The following C9orf78 variants were observed in gnomAD, a reference collection of about 807,000 sequenced individuals.
The protein encoded by C9orf78 is chromosome 9 open reading frame 78, also known as splicing factor C9orf78.
Under a neutral mutation model 37.4 loss-of-function variants are expected in C9orf78, and 19 were observed. The observed-to-expected ratio is 0.51, with a 90% CI of 0.35 to 0.74. C9orf78 has a LOEUF of 0.74. C9orf78 is among the 30% of genes least tolerant of loss of function. The pLI is 0.01. For missense variants in C9orf78, 291 were observed against 370.8 expected, an observed-to-expected ratio of 0.78 and a Z score of 1.77; for synonymous variants, 130 against 128.0, an observed-to-expected ratio of 1.02 and a Z score of -0.10.
chr9:129,833,408 C>T (rs1323527260), intron 4 of C9orf78, 39 bp downstream of exon 4: 1 of 1,273,962 alleles, frequency 7.8e-7, no homozygotes, highest in Non-Finnish European at 1.1e-6. Flanking sequence ...CAGGCAGCCG[C>T]TAAAGGTGAA....
chr9:129,831,970 G>A lies in C9orf78; in HGVS notation c.270C>T (p.Ile90=). 1 of 1,498,984 alleles carries A rather than the reference G, an allele frequency of 6.7e-7. No individual in the cohort carries two copies. The highest frequency in any genetic ancestry group is 9.3e-7 in the Non-Finnish European group (1 of 1,075,174). 92.9% of individuals were successfully genotyped at this position (1,498,984 alleles called of 1,614,324 possible). Residue 90 remains isoleucine (I), a synonymous_variant, in exon 5 of 9, where the codon ATC becomes ATT. Transcript: ENST00000372447. ...CCAGGTGCAGGTCCTCCTCCTCACT[G>A]ATCCTGGAGGGAGAGAACAATGAGG... ...KKLKERGKDK[I]SEEEDLHLGT... is the part of the protein sequence containing the mutation.
chr9:129,828,916 T>C, intron 8 of C9orf78: 1 of 486,706 alleles, frequency 2.1e-6, no homozygotes, highest in Non-Finnish European at 3.8e-6. Flanking sequence ...GTAGCTTTTA[T>C]TTGTCCTTAC....
Position 129,833,702 on chromosome 9 carries a change from C to T in C9orf78, c.151G>A (p.Ala51Thr). The T allele has an allele frequency of 1.2e-6, 2 of 1,611,162 alleles. No homozygotes were observed. Among genetic ancestry groups the T allele is most frequent in the Non-Finnish European group, 1.7e-6 (2 of 1,178,198 alleles). Reference sequence around the variant, plus strand: ...TGTACCTTCTCTCCCACCAGCAAGGCCACAGCACTGAGCAAAACCAAAAAA... The same window carrying T: ...TGTACCTTCTCTCCCACCAGCAAGGTCACAGCACTGAGCAAAACCAAAAAA... ...RKRPNGVSAV[A>T]LLVGEKVQEE... Residue 51 changes from alanine to threonine, a missense_variant, in exon 3 of 9, where the codon GCC becomes ACC. Ala to Thr is a moderately conservative substitution (Grantham distance 58). Around this residue, in one of 3 missense-constraint regions of C9orf78, gnomAD observed 158 missense variants for 174.8 expected, o/e 0.90. Coordinates refer to ENST00000372447, the MANE Select transcript of C9orf78 (RefSeq NM_016520.3).
chr9:129,834,426 T>G (rs2031622269), intron 2 of C9orf78: 1 of 427,306 alleles, frequency 2.3e-6, no homozygotes, highest in Non-Finnish European at 4.1e-6. Flanking sequence ...TTATACAAAC[T>G]CTTAACGATC....
chr9:129,833,736 G>T, intron 2 of C9orf78, 27 bp from the exon 3 acceptor site: 1 of 1,567,378 alleles, frequency 6.4e-7, no homozygotes, highest in Non-Finnish European at 8.8e-7. Context: ...AAAAAAGAGA[G>T]GGGGAGAGAG....
intron 5 of C9orf78, 48 bp downstream of exon 5, chr9:129,831,844 TCTGA>T: frequency 1.2e-6 from 1 of 864,792 alleles, no homozygotes; most frequent in South Asian, 1.3e-5. Context: ...TATCTTGGAC[TCTGA>T]CTGGAGTCCA....
At chr9:129,830,546 G>T in intron 6 of C9orf78, 3 of 309,210 alleles carry the variant, frequency 9.7e-6, no homozygotes, top group South Asian at 3.4e-5. Context: ...ATGGAGTCTT[G>T]CTCTGTCGCC....
intron 6 of C9orf78, 199 bp downstream of exon 6, chr9:129,830,672 C>G: frequency 1.9e-6 from 1 of 535,592 alleles, no homozygotes; most frequent in Non-Finnish European, 3.4e-6. Flanking sequence ...CCACCATGCC[C>G]AGCTAATTTT....
intron 5 of C9orf78, 105 bp from the exon 6 acceptor site, chr9:129,831,173 A>G (rs533981244): frequency 2.1e-4 from 152 of 738,016 alleles, no homozygotes; most frequent in Non-Finnish European, 3.2e-4. Context: ...GTGACAGTCC[A>G]TGGAGAAACG....
intron 6 of C9orf78, chr9:129,830,649 C>A: frequency 2.0e-6 from 1 of 497,986 alleles, no homozygotes. Flanking sequence ...AGTAGCTGGA[C>A]TACAGGTGCC....
In C9orf78 at chr9:129,831,949, G is replaced by A. The variant is rs759106665; in HGVS notation, c.291C>T (p.His97=). The change falls in exon 5 of 9, where the codon CAC becomes CAT. Residue 97 remains histidine, a synonymous_variant. Coordinates refer to ENST00000372447, the MANE Select transcript of C9orf78 (RefSeq NM_016520.3). ...KDKISEEEDL[H]LGTSFSAETN... ...TTTCTGCAGAAAACGATGTCCCCAG[G>A]TGCAGGTCCTCCTCCTCACTGATCC... The A allele has an allele frequency of 6.3e-7, 1 of 1,578,080 alleles. No individual in the cohort carries two copies. The highest frequency in any genetic ancestry group is 1.3e-5 in the African/African-American group (1 of 74,226).
intron 3 of C9orf78, 22 bp from the exon 4 acceptor site, chr9:129,833,539 A>G (rs758790538): frequency 1.3e-6 from 2 of 1,561,768 alleles, no homozygotes; most frequent in Non-Finnish European, 1.8e-6. Context: ...AAACACAGTT[A>G]AGAGGAAGCA....
intron 6 of C9orf78, 98 bp downstream of exon 6, chr9:129,830,773 G>A (rs2031473623): frequency 1.2e-6 from 1 of 840,452 alleles, no homozygotes; most frequent in African/African-American, 1.7e-5. Context: ...GCCTCCCAAA[G>A]TGCTAGGATT....
At chr9:129,831,263 A>C in intron 5 of C9orf78, 195 bp from the exon 6 acceptor site, 1 of 595,220 alleles carries the variant, frequency 1.7e-6, no homozygotes, top group Non-Finnish European at 3.0e-6. Flanking sequence ...ATGTCCCACT[A>C]ATCTATTGGT....
rs751228867 is a variant in C9orf78, at chr9:129,831,643, C to A, written c.344+253G>T. On this transcript the variant is annotated intron_variant, in intron 5 of 8. Coordinates refer to ENST00000372447, the MANE Select transcript of C9orf78 (RefSeq NM_016520.3). ...TTCTCCATGTTGGTCAGTCTGGTCT[C>A]GAACTCCCCACCTCAGATGATCCAC... 3 of 414,170 alleles carry A rather than the reference C, an allele frequency of 7.2e-6. No homozygotes were observed. The South Asian group carries it at 7.8e-5, about 11-fold the overall frequency. The allele number at this position is 414,170 out of a possible 1,614,324, so 25.7% of individuals were successfully genotyped here. A position where few individuals can be genotyped will look rare whatever the true frequency, so the allele number is the denominator to read the frequency against.
chr9:129,828,252 C>A lies in C9orf78; in HGVS notation c.779G>T (p.Arg260Leu), dbSNP rs1564187049. Residue 260 changes from arginine (R) to leucine (L), a missense_variant and splice_region_variant, in exon 9 of 9, where the codon CGG (arginine) becomes CTG (leucine). Physicochemically the swap from Arg to Leu is moderately radical, Grantham distance 102. This residue lies in a region of C9orf78 where 120 missense variants were observed against 148.7 expected (regional missense o/e 0.81). Coordinates refer to ENST00000372447, the MANE Select transcript of C9orf78 (RefSeq NM_016520.3). The part of the protein sequence containing the change: ...VGDTEKPEPE[R>L]SPPNRKRPAN... ...AGGACGCTTGCGGTTAGGAGGGGACCCTGAGAAGGAAAAGAACAGGAAAGG... is the reference window on the plus strand; with the variant it reads ...AGGACGCTTGCGGTTAGGAGGGGACACTGAGAAGGAAAAGAACAGGAAAGG... The A allele has an allele frequency of 6.3e-7, 1 of 1,581,110 alleles. No homozygotes were observed. The highest frequency in any genetic ancestry group is 8.7e-7 in the Non-Finnish European group (1 of 1,151,380).
Position 129,835,255 on chromosome 9 carries a change from C to T in C9orf78, c.-34G>A, listed in dbSNP as rs781737180. The T allele has an allele frequency of 8.0e-6, 12 of 1,505,756 alleles. No individual in the cohort carries two copies. Among genetic ancestry groups the T allele is most frequent in the Admixed American group, 5.2e-5 (3 of 57,866 alleles). 93.3% of individuals were successfully genotyped at this position (1,505,756 alleles called of 1,614,324 possible). ...CGGCCGAGTTGTACAGCCGCCGCGCCTCTGCGCAGCGGCCCAGGCTGCTTC... is the reference window on the plus strand; with the variant it reads ...CGGCCGAGTTGTACAGCCGCCGCGCTTCTGCGCAGCGGCCCAGGCTGCTTC... On this transcript the variant is annotated 5_prime_UTR_variant, in exon 1 of 9. Coordinates refer to ENST00000372447, the MANE Select transcript of C9orf78 (RefSeq NM_016520.3).
At chr9:129,828,419 TTTTC>T (rs1016769595) in intron 8 of C9orf78, 167 bp from the exon 9 acceptor site, 295 of 480,352 alleles carry the variant, frequency 6.1e-4, no homozygotes, top group Middle Eastern at 2.4e-3. Context: ...GTCTTTTTTT[TTTTC>T]TTTTCTTTTC....
chr9:129,831,742 G>C (rs2031502790), intron 5 of C9orf78, 154 bp downstream of exon 5: 1 of 647,870 alleles, frequency 1.5e-6, no homozygotes, highest in Non-Finnish European at 2.8e-6. Context: ...CCTTTTAAGA[G>C]GTTTTCAAAG....
Sources: allele counts gnomAD v4.1 joint callset, GRCh38; gene constraint gnomAD v4.1.1; regional missense constraint gnomAD v4.1.1; transcripts MANE v1.5; gene names NCBI Gene and HGNC (gene_info 2026-07-23, HGNC 2026-07-21).